The following TTYH3 variants were observed in gnomAD, a reference collection of about 807,000 sequenced individuals.
TTYH3 encodes the protein protein tweety homolog 3.
TTYH3 carries 23 observed loss-of-function variants against 68.2 expected under a neutral mutation model. That is an observed-to-expected ratio of 0.34 (90% CI 0.24 to 0.48). The LOEUF (loss-of-function observed/expected upper bound fraction) is 0.48, where lower values mean the gene tolerates loss of function less well. Ranked by LOEUF, TTYH3 falls within the 20% of genes least tolerant of loss-of-function variation. TTYH3 has a pLI of 0.99. For synonymous variants in TTYH3, 360 were observed against 332.8 expected (o/e 1.08, Z -0.89); for missense variants, 768 against 727.7 (o/e 1.06, Z -0.64).
At chr7:2,644,269 G>A (rs910828861) in intron 1 of TTYH3, among the ~76,000 whole-genome samples, 2 of 152,148 alleles carry the variant, frequency 1.3e-5, no homozygotes, top group African/African-American at 4.8e-5. Flanking sequence ...CAGCCGGTGG[G>A]GTCAGCACCT....
chr7:2,648,250 T>C, intron 5 of TTYH3, 196 bp downstream of exon 5: 1 of 579,410 alleles, frequency 1.7e-6, no homozygotes, highest in Non-Finnish European at 3.0e-6. Flanking sequence ...GTGGCCAGCA[T>C]CCCAGCACAC....
At chr7:2,637,994 C>T (rs543726166) in intron 1 of TTYH3, among the ~76,000 whole-genome samples, 2 of 152,330 alleles carry the variant, frequency 1.3e-5, no homozygotes, top group East Asian at 1.9e-4. Flanking sequence ...TGCCCCTAGC[C>T]GTTCTGCCCC....
intron 7 of TTYH3, 54 bp from the exon 8 acceptor site, chr7:2,652,133 C>T: frequency 6.7e-7 from 1 of 1,503,706 alleles, no homozygotes; most frequent in Non-Finnish European, 9.3e-7. Flanking sequence ...GACGTGCACG[C>T]AGTCTCACAG....
chr7:2,647,914 GC>G, intron 4 of TTYH3, 44 bp from the exon 5 acceptor site: 2 of 1,597,264 alleles, frequency 1.3e-6, no homozygotes, highest in Non-Finnish European at 8.5e-7. Context: ...CCACTCCCAG[GC>G]CCCGGGTCCC....
intron 1 of TTYH3, among the ~76,000 whole-genome samples, chr7:2,635,671 A>G (rs1443258066): frequency 6.6e-6 from 1 of 152,092 alleles, no homozygotes; most frequent in East Asian, 1.9e-4. Flanking sequence ...TTGCCTGCTC[A>G]TTTCTGACTC....
At position 2,632,296 on chromosome 7, in the gene TTYH3, G is replaced by A. The variant is rs748493164; in HGVS notation, c.123+18G>A. 7 of 1,552,704 alleles carry A rather than the reference G, an allele frequency of 4.5e-6. No individual in the cohort carries two copies. The South Asian group carries it at 7.1e-5, about 16-fold the overall frequency. On this transcript the variant is annotated intron_variant, in intron 1 of 13. Coordinates refer to ENST00000258796, the MANE Select transcript of TTYH3 (RefSeq NM_025250.3). ...ACCAGCAGGTGACATGGGCCTCTCGGGGTCGCGGGGTCAGGGACCCCAGGT... is the reference window on the plus strand; with the variant it reads ...ACCAGCAGGTGACATGGGCCTCTCGAGGTCGCGGGGTCAGGGACCCCAGGT...
At chr7:2,646,172 G>A (rs543146068) in intron 1 of TTYH3, among the ~76,000 whole-genome samples, 33 of 152,274 alleles carry the variant, frequency 2.2e-4, no homozygotes, top group African/African-American at 7.9e-4. Flanking sequence ...CCGCCACCAG[G>A]CCTGGCTAAT....
At chr7:2,638,649 C>A (rs1175603176) in intron 1 of TTYH3, among the ~76,000 whole-genome samples, 1 of 152,208 alleles carries the variant, frequency 6.6e-6, no homozygotes, top group Non-Finnish European at 1.5e-5. Flanking sequence ...GCTGGCTGCA[C>A]GTCCTCCAGG....
chr7:2,638,765 G>A (rs965301165), intron 1 of TTYH3, among the ~76,000 whole-genome samples: 1 of 152,184 alleles, frequency 6.6e-6, no homozygotes, highest in African/African-American at 2.4e-5. Flanking sequence ...TGGGCCGAGT[G>A]TGCTATGGGT....
intron 1 of TTYH3, among the ~76,000 whole-genome samples, chr7:2,639,577 C>T (rs1454631335): frequency 6.6e-6 from 1 of 152,220 alleles, no homozygotes; most frequent in Non-Finnish European, 1.5e-5. Flanking sequence ...GCTAAGATGC[C>T]CTGGAAGCTG....
chr7:2,648,299 TGGGGCA>T, intron 5 of TTYH3: 1 of 496,022 alleles, frequency 2.0e-6, no homozygotes, highest in Non-Finnish European at 3.6e-6. Flanking sequence ...AGTCTGCACG[TGGGGCA>T]CTTGTAGCCC....
chr7:2,647,304 CCA>C (rs1786022799), intron 3 of TTYH3, 51 bp downstream of exon 3: 1 of 1,533,104 alleles, frequency 6.5e-7, no homozygotes, highest in Non-Finnish European at 8.7e-7. Context: ...CTCCGGAGCC[CCA>C]CGTCTGCGCG....
chr7:2,652,968 T>C lies in TTYH3; in HGVS notation c.978T>C (p.Ala326=), dbSNP rs1488784529. 6.3e-7 allele frequency: 1 copy of C among 1,576,062 alleles called. No individual in the cohort carries two copies. Among genetic ancestry groups the C allele is most frequent in the Non-Finnish European group, 8.6e-7 (1 of 1,161,278 alleles). Reference sequence around the variant, plus strand: ...TGGTGGAGATGCAGGATGTCGTGGCTGAGCTTCTGAGGACCGTCCCCTGGG... The same window carrying C: ...TGGTGGAGATGCAGGATGTCGTGGCCGAGCTTCTGAGGACCGTCCCCTGGG... ...KALVEMQDVV[A]ELLRTVPWEQ... The change falls in exon 9 of 14, where the codon GCT becomes GCC. Residue 326 remains alanine, a synonymous_variant. Coordinates refer to ENST00000258796, the MANE Select transcript of TTYH3 (RefSeq NM_025250.3).
Position 2,663,605 on chromosome 7 carries a change from C to G in TTYH3, c.*1866C>G, listed in dbSNP as rs1305338355. 6.6e-6 allele frequency: 1 copy of G among 152,570 alleles called. No individual in the cohort carries two copies. Among genetic ancestry groups the G allele is most frequent in the African/African-American group, 2.4e-5 (1 of 41,470 alleles). The allele number at this position is 152,570 out of a possible 1,614,324, so 9.5% of individuals were successfully genotyped here. On this transcript the variant is annotated 3_prime_UTR_variant, in exon 14 of 14. Transcript: ENST00000258796. ...CAACCTGCCCAGTCTTTCCTCTGGG[C>G]TTGACCCGCCAGGGGAGTTCTCCAG...
At position 2,646,217 on chromosome 7, in the gene TTYH3, G is replaced by A. The variant is rs371222473; in HGVS notation, c.124-636G>A. On this transcript the variant is annotated intron_variant, in intron 1 of 13. Coordinates refer to ENST00000258796, the MANE Select transcript of TTYH3 (RefSeq NM_025250.3). Reference sequence around the variant, plus strand: ...TTTAGTAGAGATGGGGTTTCGCCACGTTGGCCAGGCTGGTCTCAAACTCCT... The same window carrying A: ...TTTAGTAGAGATGGGGTTTCGCCACATTGGCCAGGCTGGTCTCAAACTCCT... 5.5e-3 allele frequency among the ~76,000 whole-genome samples: 842 copies of A among 152,280 alleles called. 9 individuals carry two copies. Among genetic ancestry groups the A allele is most frequent in the African/African-American group, 0.019 (800 of 41,546 alleles).
In TTYH3 at chr7:2,664,396, G is replaced by A. The variant is rs1361978421; in HGVS notation, c.*2657G>A. Reference sequence around the variant, plus strand: ...AGACAAGGGGGCAGGCGGGGGACCAGGGCCTCTCCTGTGGGATCTTTGTTT... The same window carrying A: ...AGACAAGGGGGCAGGCGGGGGACCAAGGCCTCTCCTGTGGGATCTTTGTTT... On this transcript the variant is annotated 3_prime_UTR_variant, in exon 14 of 14. Coordinates refer to ENST00000258796, the MANE Select transcript of TTYH3 (RefSeq NM_025250.3). The A allele has an allele frequency of 2.0e-5, 3 of 152,594 alleles. No individual in the cohort carries two copies. The highest frequency in any genetic ancestry group is 4.4e-5 in the Non-Finnish European group (3 of 68,094). The allele number at this position is 152,594 out of a possible 1,614,324, so 9.5% of individuals were successfully genotyped here.
intron 1 of TTYH3, among the ~76,000 whole-genome samples, chr7:2,637,265 C>A (rs551146205): frequency 2.0e-5 from 3 of 152,132 alleles, no homozygotes; most frequent in Non-Finnish European, 4.4e-5. Context: ...GACCCCCGGC[C>A]GGGGGCTCTT....
chr7:2,644,028 G>A (rs2114981611), intron 1 of TTYH3, among the ~76,000 whole-genome samples: 1 of 152,326 alleles, frequency 6.6e-6, no homozygotes, highest in East Asian at 1.9e-4. Flanking sequence ...CAAGTGGAGA[G>A]CAGAGGGAGG....
rs1786568030 is a variant in TTYH3, at chr7:2,664,452, C to T, written c.*2713C>T. On this transcript the variant is annotated 3_prime_UTR_variant, in exon 14 of 14. Transcript: ENST00000258796. ...TTAACCATAATGGTTGTGTACTGAA[C>T]CACTTCATATTTGTTATATATAATA... 1 of 151,980 alleles carries T rather than the reference C, an allele frequency of 6.6e-6. No homozygotes were observed. Among genetic ancestry groups the T allele is most frequent in the Admixed American group, 6.6e-5 (1 of 15,230 alleles). 9.4% of individuals were successfully genotyped at this position (151,980 alleles called of 1,614,324 possible).
Sources: allele counts gnomAD v4.1 joint callset (sites outside exome capture counted in the v4.1 genomes callset), GRCh38; gene constraint gnomAD v4.1.1; transcripts MANE v1.5; gene names NCBI Gene and HGNC (gene_info 2026-07-23, HGNC 2026-07-21).